The following CEMIP variants were observed in gnomAD, a reference collection of about 807,000 sequenced individuals.
CEMIP encodes cell migration-inducing and hyaluronan-binding protein.
In CEMIP, 105 loss-of-function variants were observed where a neutral mutation model predicts 156.9. That is an observed-to-expected ratio of 0.67 (90% CI 0.57 to 0.79). CEMIP has a LOEUF of 0.79. Among genes scored for constraint, CEMIP ranks in the 30% least tolerant of loss-of-function variants. The pLI is 0.00. For missense variants in CEMIP, 1,457 were observed against 1,769.4 expected (o/e 0.82, Z 3.17); for synonymous variants, 676 against 668.4 (o/e 1.01, Z -0.17).
intron 28 of CEMIP, 184 bp from the exon 29 acceptor site, chr15:80,946,781 G>A (rs575006506): frequency 1.8e-4 from 110 of 628,492 alleles, no homozygotes; most frequent in African/African-American, 1.6e-3. Flanking sequence ...CAGGATGTTC[G>A]TCACCACATG....
At position 80,895,032 on chromosome 15, in the gene CEMIP, T is replaced by C. The variant is rs779741917; in HGVS notation, c.1129T>C (p.Tyr377His). The stretch of plus-strand genomic sequence containing the variant: ...AGTTAACCTCAGCACCGAGGTTGTC[T>C]ACAAAAAAGGCCAGGATTATAGGTT... ...DGVNLSTEVV[Y>H]KKGQDYRFAC... is the part of the protein sequence containing the mutation. Residue 377 changes from tyrosine (Y) to histidine (H), a missense_variant, in exon 11 of 30, where the codon TAC becomes CAC. Transcript: ENST00000394685. The C allele has an allele frequency of 6.2e-7, 1 of 1,614,174 alleles. No individual in the cohort carries two copies.
In CEMIP at chr15:80,881,072, G is replaced by A; in HGVS notation, c.553G>A (p.Gly185Ser). The A allele has an allele frequency of 6.2e-7, 1 of 1,614,188 alleles. No homozygotes were observed. The highest frequency in any genetic ancestry group is 8.5e-7 in the Non-Finnish European group (1 of 1,180,042). ...EGGYFFERSW[G>S]HRGVIVHVID... Reference sequence around the variant, plus strand: ...AGGCTATTTTTTTGAAAGGAGCTGGGGCCACCGTGGAGTTATTGTTCATGT... The same window carrying A: ...AGGCTATTTTTTTGAAAGGAGCTGGAGCCACCGTGGAGTTATTGTTCATGT... Residue 185 changes from glycine to serine, a missense_variant, in exon 6 of 30, where the codon GGC becomes AGC. This residue lies in a region of CEMIP where 309 missense variants were observed against 340.8 expected (regional missense o/e 0.91). Coordinates refer to ENST00000394685, the MANE Select transcript of CEMIP (RefSeq NM_001293298.2).
chr15:80,844,180 C>T (rs919178171), intron 1 of CEMIP, among the ~76,000 whole-genome samples: 16 of 152,256 alleles, frequency 1.1e-4, no homozygotes, highest in African/African-American at 3.9e-4. Flanking sequence ...CACCCAGTGT[C>T]CGGAGCAGCT....
intron 14 of CEMIP, among the ~76,000 whole-genome samples, chr15:80,919,240 T>C (rs1474170251): frequency 6.6e-6 from 1 of 152,080 alleles, no homozygotes; most frequent in Non-Finnish European, 1.5e-5. Context: ...AGCATCAATA[T>C]TGGTCTTAAT....
chr15:80,883,002 C>T (rs1249957477), intron 6 of CEMIP, among the ~76,000 whole-genome samples: 3 of 151,912 alleles, frequency 2.0e-5, no homozygotes, highest in Non-Finnish European at 2.9e-5. Context: ...GTGGAGGGTG[C>T]GAGGTTAGGT....
At chr15:80,824,106 GTCTTGCTTA>G (rs1896973679) in intron 1 of CEMIP, among the ~76,000 whole-genome samples, 1 of 152,218 alleles carries the variant, frequency 6.6e-6, no homozygotes, top group East Asian at 1.9e-4. Flanking sequence ...ATTAGGCTTT[GTCTTGCTTA>G]TCAGCGCAAG....
At chr15:80,834,264 C>A (rs144527720) in intron 1 of CEMIP, among the ~76,000 whole-genome samples, 5 of 152,316 alleles carry the variant, frequency 3.3e-5, no homozygotes, top group African/African-American at 9.6e-5. Context: ...TGCAGCATGC[C>A]TTTTCAGGCT....
chr15:80,809,622 C>T (rs1896608010), intron 1 of CEMIP, among the ~76,000 whole-genome samples: 1 of 152,192 alleles, frequency 6.6e-6, no homozygotes, highest in Non-Finnish European at 1.5e-5. Flanking sequence ...GTTCTCTACC[C>T]ATGGTGTCAC....
chr15:80,925,780 T>C, intron 19 of CEMIP, 25 bp downstream of exon 19: 2 of 1,608,406 alleles, frequency 1.2e-6, no homozygotes, highest in South Asian at 1.1e-5. Flanking sequence ...CGTGTGGCTT[T>C]GGCACAAAGG....
intron 1 of CEMIP, among the ~76,000 whole-genome samples, chr15:80,798,270 G>A (rs576465947): frequency 7.2e-5 from 11 of 152,000 alleles, no homozygotes; most frequent in South Asian, 2.1e-4. Flanking sequence ...TACCTTATAC[G>A]TAACACATCT....
chr15:80,942,087 G>A, intron 26 of CEMIP, 34 bp downstream of exon 26: 1 of 1,600,018 alleles, frequency 6.2e-7, no homozygotes. Context: ...AGACCCCTTT[G>A]CCGTCCAGTC....
intron 1 of CEMIP, among the ~76,000 whole-genome samples, chr15:80,825,023 C>G (rs1442701432): frequency 6.6e-6 from 1 of 152,074 alleles, no homozygotes; most frequent in African/African-American, 2.4e-5. Context: ...TAAAATAGAT[C>G]CTTTGATCTC....
intron 14 of CEMIP, among the ~76,000 whole-genome samples, chr15:80,913,008 T>C (rs79798967): frequency 1.2e-4 from 18 of 152,140 alleles, no homozygotes; most frequent in Non-Finnish European, 2.2e-4. Context: ...GACAAGCAGA[T>C]ACTGGCTCGG....
intron 19 of CEMIP, among the ~76,000 whole-genome samples, chr15:80,927,155 AAAG>A (rs1325668935): frequency 6.6e-6 from 1 of 151,812 alleles, no homozygotes; most frequent in Non-Finnish European, 1.5e-5. Context: ...GCACAGGAGA[AAAG>A]AAGTCATTCA....
At chr15:80,889,190 A>G (rs979961741) in intron 9 of CEMIP, among the ~76,000 whole-genome samples, 1 of 152,278 alleles carries the variant, frequency 6.6e-6, no homozygotes, top group African/African-American at 2.4e-5. Flanking sequence ...ACGGGTTTAC[A>G]GATGGATTTT....
chr15:80,905,323 T>C lies in CEMIP; in HGVS notation c.1412-1340T>C, dbSNP rs78362696. Among the ~76,000 whole-genome samples, 92 of 152,324 alleles carry C rather than the reference T, an allele frequency of 6.0e-4. 1 individual carries two copies. The East Asian group carries it at 0.017, about 28-fold the overall frequency. Reference sequence around the variant, plus strand: ...GTATCCTCAAATGGAAGAGAAAGTATCCATAAGCCAGGTCAGCAACCTCAG... The same window carrying C: ...GTATCCTCAAATGGAAGAGAAAGTACCCATAAGCCAGGTCAGCAACCTCAG... On this transcript the variant is annotated intron_variant, in intron 12 of 29. Transcript: ENST00000394685.
intron 6 of CEMIP, among the ~76,000 whole-genome samples, chr15:80,883,171 A>G (rs1032698758): frequency 6.6e-6 from 1 of 152,202 alleles, no homozygotes; most frequent in Admixed American, 6.5e-5. Context: ...AAGTTCCAAG[A>G]CATACTCTTT....
chr15:80,800,261 A>G (rs1048408955), intron 1 of CEMIP, among the ~76,000 whole-genome samples: 1 of 152,066 alleles, frequency 6.6e-6, no homozygotes, highest in African/African-American at 2.4e-5. Context: ...CCATTCTTAT[A>G]GCCCATGTGA....
chr15:80,837,560 G>C (rs985258297), intron 1 of CEMIP, among the ~76,000 whole-genome samples: 2 of 152,220 alleles, frequency 1.3e-5, no homozygotes, highest in East Asian at 3.8e-4. Context: ...TAATGCCAGA[G>C]TTCCAGCCAC....
Sources: allele counts gnomAD v4.1 joint callset (sites outside exome capture counted in the v4.1 genomes callset), GRCh38; gene constraint gnomAD v4.1.1; regional missense constraint gnomAD v4.1.1; transcripts MANE v1.5; gene names NCBI Gene and HGNC (gene_info 2026-07-23, HGNC 2026-07-21).